The following AFF3 variants were observed in gnomAD, a reference collection of about 807,000 sequenced individuals.
AFF3 encodes the protein AF4/FMR2 family member 3.
Under a neutral mutation model 129.7 loss-of-function variants are expected in AFF3, and 32 were observed. The observed-to-expected ratio is 0.25, with a 90% CI of 0.19 to 0.33. AFF3 has a LOEUF of 0.33. AFF3 is among the 10% of genes least tolerant of loss of function. AFF3 has a pLI of 1.00. For missense variants in AFF3, 1,373 were observed against 1,592.0 expected, an observed-to-expected ratio of 0.86 and a Z score of 2.34; for synonymous variants, 644 against 635.4, an observed-to-expected ratio of 1.01 and a Z score of -0.20.
At chr2:99,751,354 A>G (rs1051171667) in intron 9 of AFF3, among the ~76,000 whole-genome samples, 6 of 152,228 alleles carry the variant, frequency 3.9e-5, no homozygotes, top group African/African-American at 1.4e-4. Flanking sequence ...TGGCCTCCCA[A>G]AGTGCTGGGA....
intron 4 of AFF3, among the ~76,000 whole-genome samples, chr2:100,009,723 C>T (rs535977040): frequency 4.1e-4 from 62 of 152,240 alleles, no homozygotes; most frequent in African/African-American, 1.4e-3. Flanking sequence ...GTGTTCCTTC[C>T]CCCTAATAAG....
At chr2:99,754,053 GTTAC>G (rs1681890208) in intron 8 of AFF3, among the ~76,000 whole-genome samples, 1 of 152,118 alleles carries the variant, frequency 6.6e-6, no homozygotes, top group African/African-American at 2.4e-5. Flanking sequence ...TACCCAGAGT[GTTAC>G]TACCCGATTA....
At position 99,578,386 on chromosome 2, in the gene AFF3, C is replaced by A. The variant is rs561097499; in HGVS notation, c.2859G>T (p.Trp953Cys). Residue 953 changes from tryptophan to cysteine, a missense_variant, in exon 18 of 25, where the codon TGG becomes TGT. Trp to Cys is a radical substitution (Grantham distance 215, BLOSUM62 -2). Coordinates refer to ENST00000672756, the MANE Select transcript of AFF3 (RefSeq NM_001386135.1). ...LHKSRPQTKP[W>C]SPGSNGHRDC... ...CCCTGTGGCCGTTGGAGCCTGGAGA[C>A]CACGGCTTCGTCTGCGGCCGTGACT... is the stretch of plus-strand genomic sequence containing the variant. The A allele has an allele frequency of 6.2e-7, 1 of 1,611,190 alleles. No individual in the cohort carries two copies. The highest frequency in any genetic ancestry group is 1.3e-5 in the African/African-American group (1 of 74,930).
intron 7 of AFF3, among the ~76,000 whole-genome samples, chr2:99,962,753 T>A (rs971173861): frequency 2.6e-5 from 4 of 151,546 alleles, no homozygotes; most frequent in African/African-American, 9.7e-5. Flanking sequence ...TTTTCCGTTT[T>A]TTTTAAATAT....
intron 11 of AFF3, among the ~76,000 whole-genome samples, chr2:99,717,853 T>G (rs78840773): frequency 0.014 from 2,188 of 152,292 alleles, 58 homozygotes; most frequent in African/African-American, 0.05. Context: ...TTGAGATCTG[T>G]GCTCCCTCTC....
intron 8 of AFF3, among the ~76,000 whole-genome samples, 199 bp downstream of exon 8, chr2:99,837,278 T>C (rs867423961): frequency 1.3e-5 from 2 of 152,174 alleles, no homozygotes; most frequent in African/African-American, 4.8e-5. Context: ...CACCTCAGCC[T>C]GTGCAGAGGT....
intron 7 of AFF3, among the ~76,000 whole-genome samples, chr2:99,896,705 G>A (rs891914028): frequency 3.1e-5 from 4 of 127,066 alleles, no homozygotes; most frequent in African/African-American, 6.2e-5. Context: ...GCACGATCTC[G>A]GCTCACTGTG....
rs76822822 is a variant in AFF3 at position 99,649,763 on chromosome 2, C to A, written c.1144-97G>T. 4.2e-3 allele frequency: 5,897 copies of A among 1,416,562 alleles called. 223 individuals are homozygous for A. In the East Asian group the frequency reaches 0.088, roughly 21 times the overall value. The allele number at this position is 1,416,562 out of a possible 1,614,324, so 87.7% of individuals were successfully genotyped here. On this transcript the variant is annotated intron_variant, in intron 12 of 24. Coordinates refer to ENST00000672756, the MANE Select transcript of AFF3 (RefSeq NM_001386135.1). ...AAAAAAAAGACCCCTGCATTACACA[C>A]ATTTTTGCCATGTGGCCAAATTTTA... is the stretch of plus-strand genomic sequence containing the variant.
At chr2:100,120,148 C>A (rs1691898144) in intron 2 of AFF3, among the ~76,000 whole-genome samples, 1 of 152,118 alleles carries the variant, frequency 6.6e-6, no homozygotes, top group African/African-American at 2.4e-5. Flanking sequence ...CTTAGAGAGG[C>A]TTACGATTGA....
intron 8 of AFF3, among the ~76,000 whole-genome samples, chr2:99,812,415 C>G (rs957208063): frequency 2.0e-5 from 3 of 152,174 alleles, no homozygotes; most frequent in East Asian, 3.9e-4. Flanking sequence ...CACAAAGGCA[C>G]GGAGGACACA....
At chr2:99,674,958 C>T (rs1489736122) in intron 11 of AFF3, among the ~76,000 whole-genome samples, 4 of 152,208 alleles carry the variant, frequency 2.6e-5, no homozygotes, top group African/African-American at 7.2e-5. Flanking sequence ...CGCGTCCACA[C>T]GTAAACACGC....
chr2:100,024,822 T>A (rs560903129), intron 4 of AFF3, among the ~76,000 whole-genome samples: 1 of 152,052 alleles, frequency 6.6e-6, no homozygotes, highest in African/African-American at 2.4e-5. Context: ...TAGAAAAGCA[T>A]GGATTATATA....
chr2:99,589,859 T>C (rs754734772), intron 15 of AFF3, among the ~76,000 whole-genome samples: 29 of 152,168 alleles, frequency 1.9e-4, no homozygotes, highest in Non-Finnish European at 3.8e-4. Flanking sequence ...AAGAGTGATG[T>C]TATAAAGCCC....
At chr2:99,902,511 C>T (rs1309353824) in intron 7 of AFF3, among the ~76,000 whole-genome samples, 2 of 152,132 alleles carry the variant, frequency 1.3e-5, no homozygotes, top group African/African-American at 4.8e-5. Flanking sequence ...TGTACCTCAT[C>T]AATGCAGGGG....
intron 8 of AFF3, among the ~76,000 whole-genome samples, chr2:99,832,810 C>T (rs1258815035): frequency 1.3e-5 from 2 of 152,140 alleles, no homozygotes; most frequent in African/African-American, 4.8e-5. Flanking sequence ...TTTGCTACAG[C>T]AAGTAATGGG....
intron 7 of AFF3, among the ~76,000 whole-genome samples, chr2:99,893,351 C>T (rs1384095140): frequency 6.6e-6 from 1 of 152,218 alleles, no homozygotes; most frequent in Non-Finnish European, 1.5e-5. Context: ...GCCTGACAGT[C>T]TCTATTTAGA....
intron 8 of AFF3, among the ~76,000 whole-genome samples, chr2:99,828,587 C>T (rs1252997175): frequency 6.6e-6 from 1 of 152,190 alleles, no homozygotes; most frequent in African/African-American, 2.4e-5. Flanking sequence ...GGGGCCATGA[C>T]TCAGTATAAC....
At chr2:99,971,995 C>T (rs1452954835) in intron 7 of AFF3, among the ~76,000 whole-genome samples, 1 of 152,154 alleles carries the variant, frequency 6.6e-6, no homozygotes, top group Non-Finnish European at 1.5e-5. Context: ...ACAGGTGAAA[C>T]AACTGACAAC....
chr2:99,941,780 T>C (rs910107064), intron 7 of AFF3, among the ~76,000 whole-genome samples: 1 of 152,206 alleles, frequency 6.6e-6, no homozygotes, highest in African/African-American at 2.4e-5. Context: ...AGTGAAGCAA[T>C]TTTGAGAATA....
Sources: gnomAD v4.1 joint callset for allele counts (sites outside exome capture counted in the v4.1 genomes callset) on GRCh38, gnomAD v4.1.1 for gene constraint, MANE v1.5 for transcripts, NCBI Gene and HGNC (gene_info 2026-07-23, HGNC 2026-07-21) for gene names.